FGF17: variants seen among roughly 807,000 people sequenced by gnomAD.
The protein encoded by FGF17 is fibroblast growth factor 17.
FGF17 carries 5 observed loss-of-function variants against 23.5 expected under a neutral mutation model. That is an observed-to-expected ratio of 0.21 (90% CI 0.11 to 0.45). The LOEUF (loss-of-function observed/expected upper bound fraction) is 0.45, where lower values mean the gene tolerates loss of function less well. Among genes scored for constraint, FGF17 ranks in the 20% least tolerant of loss-of-function variants. The pLI is 0.99. For synonymous variants in FGF17, 136 were observed against 123.0 expected (o/e 1.11, Z -0.70); for missense variants, 221 against 306.9 (o/e 0.72, Z 2.09).
chr8:22,048,010 T>C lies in FGF17; in HGVS notation c.412T>C (p.Tyr138His). Residue 138 changes from tyrosine to histidine, a missense_variant, in exon 5 of 5, where the codon TAT becomes CAT. Around this residue, in one of 3 missense-constraint regions of FGF17, gnomAD observed 128 missense variants for 150.4 expected, o/e 0.85. Coordinates refer to ENST00000359441, the MANE Select transcript of FGF17 (RefSeq NM_003867.4). The surrounding 1 kb of genome is among the most constrained non-coding windows in gnomAD (Gnocchi z 6.9). ...VFTEIVLENN[Y>H]TAFQNARHEG... Reference sequence around the variant, plus strand: ...CACGGAGATCGTGCTGGAGAACAACTATACGGCCTTCCAGAACGCCCGGCA... The same window carrying C: ...CACGGAGATCGTGCTGGAGAACAACCATACGGCCTTCCAGAACGCCCGGCA... 1 of 1,613,124 alleles carries C rather than the reference T, an allele frequency of 6.2e-7. No individual in the cohort carries two copies. The highest frequency in any genetic ancestry group is 8.5e-7 in the Non-Finnish European group (1 of 1,179,390).
chr8:22,043,283 TG>T, intron 2 of FGF17, 102 bp downstream of exon 2: 2 of 1,197,090 alleles, frequency 1.7e-6, no homozygotes, highest in Non-Finnish European at 2.4e-6. Flanking sequence ...AGGCAGAGTC[TG>T]GCCTCTCCCT....
At chr8:22,041,195 C>G (rs1198702725), upstream of FGF17, among the ~76,000 whole-genome samples, 1 of 152,152 alleles carries the variant, frequency 6.6e-6, no homozygotes, top group Non-Finnish European at 1.5e-5. Flanking sequence ...CCCCATCCTC[C>G]CCACACAAGC....
chr8:22,044,186 C>T (rs1800804059), intron 2 of FGF17, among the ~76,000 whole-genome samples: 1 of 152,046 alleles, frequency 6.6e-6, no homozygotes, highest in Non-Finnish European at 1.5e-5. Flanking sequence ...GTGCGGCTGG[C>T]CGGGCGTTTA....
chr8:22,046,013 G>C, intron 2 of FGF17, 101 bp from the exon 3 acceptor site: 1 of 1,603,186 alleles, frequency 6.2e-7, no homozygotes, highest in Non-Finnish European at 8.5e-7. Context: ...CAAGTGGCCT[G>C]TCCCCACTAT....
intron 2 of FGF17, among the ~76,000 whole-genome samples, chr8:22,043,391 AG>A (rs1178023910): frequency 6.6e-6 from 1 of 152,098 alleles, no homozygotes; most frequent in Non-Finnish European, 1.5e-5. Flanking sequence ...CCTCCCTCTG[AG>A]GACCCTCCCC....
intron 2 of FGF17, among the ~76,000 whole-genome samples, 158 bp downstream of exon 2, chr8:22,043,339 C>T (rs188295078): frequency 1.2e-3 from 180 of 152,038 alleles, no homozygotes; most frequent in Middle Eastern, 6.8e-3. Context: ...AGCCTTTGAC[C>T]GGGTGGGCAG....
chr8:22,040,871 G>C (rs1327673291), upstream of FGF17, among the ~76,000 whole-genome samples: 2 of 152,222 alleles, frequency 1.3e-5, no homozygotes, highest in Non-Finnish European at 2.9e-5. Context: ...CTCAGGGAAT[G>C]AGCCAGAGCT....
chr8:22,043,859 C>T (rs2129656027), intron 2 of FGF17, among the ~76,000 whole-genome samples: 1 of 151,638 alleles, frequency 6.6e-6, no homozygotes, highest in East Asian at 2.0e-4. Flanking sequence ...TATTAAAATG[C>T]ACTGGTCCAG....
At chr8:22,045,887 C>G (rs1800854331) in intron 2 of FGF17, 1 of 1,437,788 alleles carries the variant, frequency 7.0e-7, no homozygotes, top group Admixed American at 2.5e-5. Context: ...AAGTGTCCCC[C>G]AGCCTGGGCA....
intron 4 of FGF17, among the ~76,000 whole-genome samples, chr8:22,046,923 A>G (rs919131056): frequency 3.3e-5 from 5 of 149,510 alleles, no homozygotes; most frequent in Admixed American, 3.3e-4. Context: ...AGCTGGCACT[A>G]TAGGTGCATG....
intron 1 of FGF17, 24 bp from the exon 2 acceptor site, chr8:22,043,121 G>A (rs1237544066): frequency 1.9e-6 from 3 of 1,613,346 alleles, no homozygotes; most frequent in East Asian, 2.2e-5. Flanking sequence ...CCCACACCTG[G>A]GCTTACCTCC....
upstream of FGF17, among the ~76,000 whole-genome samples, chr8:22,040,886 G>A (rs1288219881): frequency 6.6e-6 from 1 of 152,218 alleles, no homozygotes; most frequent in Admixed American, 6.5e-5. Flanking sequence ...AGAGCTGCCA[G>A]AAGAGGCAGA....
chr8:22,046,764 C>G (rs902962443), intron 4 of FGF17, 131 bp downstream of exon 4: 6 of 656,022 alleles, frequency 9.1e-6, no homozygotes, highest in East Asian at 8.5e-5. Context: ...CTACTCTCAG[C>G]CCACCCACTG....
intron 4 of FGF17, among the ~76,000 whole-genome samples, chr8:22,047,082 C>T (rs1406684827): frequency 6.6e-6 from 1 of 151,900 alleles, no homozygotes; most frequent in African/African-American, 2.4e-5. Context: ...CCACGGAGCC[C>T]GGCCTGGTTT....
intron 3 of FGF17, 41 bp downstream of exon 3, chr8:22,046,332 TCTGCCTCACTTCCACC>T (rs777426592): frequency 6.3e-7 from 1 of 1,594,124 alleles, no homozygotes; most frequent in Non-Finnish European, 8.6e-7. Flanking sequence ...ACACCTCCAC[TCTGCCTCACTTCCACC>T]CTGCCTCACC....
intron 2 of FGF17, among the ~76,000 whole-genome samples, chr8:22,044,125 G>A (rs1800801560): frequency 6.6e-6 from 1 of 152,072 alleles, no homozygotes; most frequent in Non-Finnish European, 1.5e-5. Flanking sequence ...GCCTGGCTGG[G>A]AGGGGGCTGG....
chr8:22,045,190 G>A lies in FGF17; in HGVS notation c.73-924G>A, dbSNP rs3780132. 1.9e-4 allele frequency: 188 copies of A among 985,564 alleles called. 1 individual carries two copies. The East Asian group carries it at 5.2e-3, about 27-fold the overall frequency. The allele number at this position is 985,564 out of a possible 1,614,324, so 61.1% of individuals were successfully genotyped here. ...TACTCCTCCTGGCTTTGCACAGTGC[G>A]TGGGGGGAAATGGTTCCTCTCCCCC... On this transcript the variant is annotated intron_variant, in intron 2 of 4. Transcript: ENST00000359441.
chr8:22,046,758 T>A (rs1432200210), intron 4 of FGF17, 125 bp downstream of exon 4: 1 of 675,016 alleles, frequency 1.5e-6, no homozygotes, highest in African/African-American at 1.8e-5. Flanking sequence ...CCCATCCTAC[T>A]CTCAGCCCAC....
chr8:22,043,022 CT>C, intron 1 of FGF17, 59 bp downstream of exon 1: 2 of 1,604,602 alleles, frequency 1.2e-6, no homozygotes, highest in Non-Finnish European at 1.7e-6. Context: ...CAGGGCAGCC[CT>C]CCTCTTCCCG....
Sources: gnomAD v4.1 joint callset for allele counts (sites outside exome capture counted in the v4.1 genomes callset) on GRCh38, gnomAD v4.1.1 for gene constraint, gnomAD v4.1.1 regional missense constraint, Gnocchi (gnomAD v3.1) non-coding constraint, MANE v1.5 for transcripts, NCBI Gene and HGNC (gene_info 2026-07-23, HGNC 2026-07-21) for gene names.